FSTL4: variants seen among roughly 807,000 people sequenced by gnomAD.
The protein encoded by FSTL4 is follistatin like 4.
In FSTL4, 28 loss-of-function variants were observed where a neutral mutation model predicts 78.2. The ratio of observed to expected loss-of-function variants is 0.36; its 90% CI spans 0.27 to 0.49. FSTL4 has a LOEUF of 0.49. Ranked by LOEUF, FSTL4 falls within the 20% of genes least tolerant of loss-of-function variation. The pLI, the probability that FSTL4 is intolerant of heterozygous loss-of-function variation, is 0.98. For missense variants in FSTL4, 922 were observed against 1,084.9 expected, an observed-to-expected ratio of 0.85 and a Z score of 2.11; for synonymous variants, 422 against 440.5, an observed-to-expected ratio of 0.96 and a Z score of 0.53.
the FSTL4 span, among the ~76,000 whole-genome samples, chr5:133,740,189 C>T: frequency 6.6e-6 from 1 of 152,062 alleles, no homozygotes; most frequent in Admixed American, 6.5e-5. Flanking sequence ...CAGTCCGAAA[C>T]ATAAGCTCTT....
the FSTL4 span, among the ~76,000 whole-genome samples, chr5:133,621,520 A>G: frequency 2.6e-5 from 4 of 152,234 alleles, no homozygotes; most frequent in South Asian, 2.1e-4. Flanking sequence ...CAAACATCGT[A>G]TGTTCTCACT....
rs3975738 is a variant in FSTL4 at position 133,375,291 on chromosome 5, CATATATAT to C, written c.409+25439_409+25446del. Among the ~76,000 whole-genome samples, 6 of 57,918 alleles carry C rather than the reference CATATATAT, an allele frequency of 1.0e-4. 1 individual carries two copies. Among genetic ancestry groups the C allele is most frequent in the Admixed American group, 7.4e-4 (3 of 4,058 alleles). 38.0% of individuals were successfully genotyped at this position (57,918 alleles called of 152,430 possible). On this transcript the variant is annotated intron_variant, in intron 4 of 15. Transcript: ENST00000265342. ...AACCCAAAACATAGGGTGTGCATGG[CATATATAT>C]ATATATATATATAAAAGACTCTAAA...
the FSTL4 span, among the ~76,000 whole-genome samples, chr5:133,744,800 A>G: frequency 6.6e-6 from 1 of 152,188 alleles, no homozygotes. Flanking sequence ...CAATTTCCTT[A>G]GAGTATTTTA....
the FSTL4 span, among the ~76,000 whole-genome samples, chr5:133,784,230 T>C: frequency 6.6e-6 from 1 of 152,042 alleles, no homozygotes. Context: ...AGTAGATGGG[T>C]AGGGTATGCT....
intron 4 of FSTL4, among the ~76,000 whole-genome samples, chr5:133,363,937 C>A (rs1031489399): frequency 1.3e-5 from 2 of 152,176 alleles, no homozygotes; most frequent in Non-Finnish European, 2.9e-5. Flanking sequence ...AATTCATAGA[C>A]GGCGGCTCAG....
At chr5:133,548,101 T>C (rs186376167) in intron 3 of FSTL4, among the ~76,000 whole-genome samples, 30 of 152,354 alleles carry the variant, frequency 2.0e-4, no homozygotes, top group Non-Finnish European at 3.1e-4. Flanking sequence ...GACCTTGCTC[T>C]ATGTATTTCT....
chr5:133,201,898 G>T, intron 15 of FSTL4, 35 bp downstream of exon 15: 1 of 1,229,848 alleles, frequency 8.1e-7, no homozygotes, highest in Non-Finnish European at 1.2e-6. Context: ...AGCTGGAGCG[G>T]GGAGTGCCTT....
chr5:133,540,330 T>C (rs969178651), intron 3 of FSTL4, among the ~76,000 whole-genome samples: 9 of 152,088 alleles, frequency 5.9e-5, no homozygotes, highest in African/African-American at 2.2e-4. Flanking sequence ...ATACATACTT[T>C]TTCCAAGAAA....
the FSTL4 span, among the ~76,000 whole-genome samples, chr5:133,745,215 C>G: frequency 6.6e-6 from 1 of 152,274 alleles, no homozygotes. Context: ...AAAGCCCTTT[C>G]AATGGAAATA....
intron 6 of FSTL4, among the ~76,000 whole-genome samples, chr5:133,311,959 A>T (rs1453029288): frequency 1.3e-5 from 2 of 152,106 alleles, no homozygotes; most frequent in African/African-American, 2.4e-5. Flanking sequence ...GGAGCTACGA[A>T]TGGCTCTTGT....
intron 3 of FSTL4, among the ~76,000 whole-genome samples, chr5:133,455,983 G>A (rs1204894370): frequency 1.3e-5 from 2 of 152,216 alleles, no homozygotes; most frequent in African/African-American, 4.8e-5. Flanking sequence ...ATACTTCTAG[G>A]TTCCCAGCTC....
chr5:133,329,765 C>G (rs1754299929), intron 4 of FSTL4, among the ~76,000 whole-genome samples: 1 of 152,198 alleles, frequency 6.6e-6, no homozygotes, highest in Non-Finnish European at 1.5e-5. Context: ...AGGCTTAATA[C>G]TTTGTATCCC....
chr5:133,470,658 T>A (rs555238217), intron 3 of FSTL4, among the ~76,000 whole-genome samples: 39 of 152,000 alleles, frequency 2.6e-4, no homozygotes, highest in Middle Eastern at 3.4e-3. Context: ...GGCAGGAGAA[T>A]CGCTTGAACC....
intron 3 of FSTL4, among the ~76,000 whole-genome samples, chr5:133,507,173 C>T (rs780334353): frequency 3.3e-5 from 5 of 151,810 alleles, no homozygotes; most frequent in Non-Finnish European, 7.4e-5. Flanking sequence ...ACGCCACTGC[C>T]CTTCAGCCTG....
At chr5:133,624,688 A>G in the FSTL4 span, among the ~76,000 whole-genome samples, 1 of 151,894 alleles carries the variant, frequency 6.6e-6, no homozygotes, top group Admixed American at 6.6e-5. Flanking sequence ...GTCTCTAACA[A>G]TATCACATAG....
chr5:133,242,357 A>T (rs544065053), intron 7 of FSTL4, among the ~76,000 whole-genome samples: 1 of 152,094 alleles, frequency 6.6e-6, no homozygotes, highest in Non-Finnish European at 1.5e-5. Context: ...TCCTTCATTG[A>T]CTGGGCCTCT....
chr5:133,375,313 A>ATATATATATATATAT (rs1354744825), intron 4 of FSTL4, among the ~76,000 whole-genome samples: 4 of 31,056 alleles, frequency 1.3e-4, no homozygotes, highest in African/African-American at 2.8e-4. Flanking sequence ...TATATATATA[A>ATATATATATATATAT]AAGACTCTAA....
At chr5:133,499,893 A>G (rs534020130) in intron 3 of FSTL4, among the ~76,000 whole-genome samples, 3 of 152,248 alleles carry the variant, frequency 2.0e-5, no homozygotes, top group Admixed American at 6.5e-5. Context: ...TTATTCGATC[A>G]ACCAATATGT....
the FSTL4 span, among the ~76,000 whole-genome samples, chr5:133,631,457 C>G: frequency 6.6e-6 from 1 of 152,144 alleles, no homozygotes; most frequent in Non-Finnish European, 1.5e-5. Flanking sequence ...GATACCATTT[C>G]ACGCCAGTTA....
Sources: allele counts gnomAD v4.1 joint callset (sites outside exome capture counted in the v4.1 genomes callset), GRCh38; gene constraint gnomAD v4.1.1; transcripts MANE v1.5; gene names NCBI Gene and HGNC (gene_info 2026-07-23, HGNC 2026-07-21).